The following EEF1D variants were observed in gnomAD, a reference collection of about 807,000 sequenced individuals.
EEF1D encodes eukaryotic translation elongation factor 1 delta.
A neutral mutation model predicts 63.9 loss-of-function variants in EEF1D; 47 were observed. The ratio of observed to expected loss-of-function variants is 0.74; its 90% CI spans 0.58 to 0.94. The LOEUF (loss-of-function observed/expected upper bound fraction) is 0.94, where lower values mean the gene tolerates loss of function less well. Ranked by LOEUF, EEF1D falls within the 40% of genes least tolerant of loss-of-function variation. EEF1D has a pLI of 0.00. For missense variants in EEF1D, 907 were observed against 899.0 expected, an observed-to-expected ratio of 1.01 and a Z score of -0.11; for synonymous variants, 412 against 386.1, an observed-to-expected ratio of 1.07 and a Z score of -0.79.
At chr8:143,581,744 G>A in intron 5 of EEF1D, 1 of 199,442 alleles carries the variant, frequency 5.0e-6, no homozygotes, top group Non-Finnish European at 1.0e-5. Context: ...GGGCCCAGTG[G>A]GGGAAGAAGG....
At chr8:143,586,049 G>A (rs1480226947) in intron 5 of EEF1D, 170 bp downstream of exon 5, 18 of 572,422 alleles carry the variant, frequency 3.1e-5, no homozygotes, top group Non-Finnish European at 4.4e-5. Context: ...AACACTGTCC[G>A]TGGCAGTCCG....
At chr8:143,581,438 C>T in intron 5 of EEF1D, 110 bp from the exon 6 acceptor site, 1 of 949,538 alleles carries the variant, frequency 1.1e-6, no homozygotes, top group East Asian at 2.6e-5. Flanking sequence ...CTCGGGAGAG[C>T]AGGAGGTGCC....
At chr8:143,597,104 G>A (rs543444930) in intron 1 of EEF1D, 4 of 152,262 alleles carry the variant, frequency 2.6e-5, no homozygotes, top group South Asian at 4.1e-4. Context: ...CCGTGAGACA[G>A]TGCTCCCGGC....
intron 2 of EEF1D, chr8:143,592,284 G>A (rs1394491517): frequency 3.0e-6 from 3 of 984,994 alleles, no homozygotes; most frequent in African/African-American, 3.5e-5. Context: ...GACTTTATTG[G>A]CCAAAGTGGC....
In EEF1D at chr8:143,589,051, G is replaced by A. The variant is rs991002439; in HGVS notation, c.1031C>T (p.Ala344Val). The A allele has an allele frequency of 5.0e-6, 8 of 1,606,144 alleles. No homozygotes were observed. The African/African-American group carries it at 1.1e-4, about 21-fold the overall frequency. Residue 344 changes from alanine (A) to valine (V), a missense_variant, in exon 3 of 10, where the codon GCC (alanine) becomes GTC (valine). Physicochemically the swap from Ala to Val is moderately conservative, Grantham distance 64 (BLOSUM62 0). Transcript: ENST00000618139. Reference protein sequence around the residue: ...ALRVAWCLEAASLSHRPGPRS... With the variant: ...ALRVAWCLEAVSLSHRPGPRS... ...AGGACCGGGTCGGTGAGACAGGGAGGCAGCTTCGAGGCACCAGGCCACCCG... is the reference window on the plus strand; with the variant it reads ...AGGACCGGGTCGGTGAGACAGGGAGACAGCTTCGAGGCACCAGGCCACCCG...
chr8:143,594,954 G>A (rs1337599454), intron 1 of EEF1D, among the ~76,000 whole-genome samples: 2 of 152,240 alleles, frequency 1.3e-5, no homozygotes. Flanking sequence ...CACCCAGGCT[G>A]GAGTGCAGTG....
intron 2 of EEF1D, chr8:143,590,861 G>A (rs1215383709): frequency 6.6e-6 from 1 of 152,362 alleles, no homozygotes; most frequent in Non-Finnish European, 1.5e-5. Context: ...GAACCGAGAT[G>A]GCGCCACTGC....
rs763145537 is a variant in EEF1D at position 143,589,230 on chromosome 8, T to C, written c.852A>G (p.Leu284=). Residue 284 remains leucine (L), a synonymous_variant, in exon 3 of 10, where the codon TTA becomes TTG. Transcript: ENST00000618139. The part of the protein sequence containing the change: ...GRRDRRGRNI[L]GNKRAGLRRA... ...GTCGCAGCCCGGCCCGCTTGTTCCC[T>C]AAGATGTTGCGGCCCCGCCGGTCTC... The C allele has an allele frequency of 8.9e-6, 14 of 1,576,106 alleles. No homozygotes were observed. The South Asian group carries it at 1.0e-4, about 12-fold the overall frequency.
intron 2 of EEF1D, among the ~76,000 whole-genome samples, 164 bp downstream of exon 2, chr8:143,592,483 C>T (rs754567265): frequency 1.8e-4 from 27 of 152,310 alleles, no homozygotes; most frequent in Middle Eastern, 6.8e-3. Context: ...GCTGCTGCCC[C>T]ATCCAGAAAA....
chr8:143,596,619 G>A (rs951116964), intron 1 of EEF1D: 1 of 152,322 alleles, frequency 6.6e-6, no homozygotes, highest in Non-Finnish European at 1.5e-5. Context: ...CTGTCGGGCA[G>A]GGACAACCCC....
intron 1 of EEF1D, among the ~76,000 whole-genome samples, chr8:143,595,523 G>GA (rs1461221198): frequency 6.6e-6 from 1 of 152,270 alleles, no homozygotes; most frequent in South Asian, 2.1e-4. Context: ...CTTTTTAAGA[G>GA]AAAAAACTCC....
At chr8:143,594,792 G>A (rs944183557) in intron 1 of EEF1D, among the ~76,000 whole-genome samples, 9 of 152,340 alleles carry the variant, frequency 5.9e-5, no homozygotes, top group African/African-American at 2.2e-4. Context: ...CCCAAAGGGC[G>A]CGACGACTAG....
chr8:143,590,031 C>T lies in EEF1D; in HGVS notation c.51G>A (p.Lys17=), dbSNP rs1213315907. The T allele has an allele frequency of 2.5e-6, 4 of 1,599,010 alleles. No homozygotes were observed. The Admixed American group carries it at 5.0e-5, about 20-fold the overall frequency. ...SCTLETVWED[K]HKYEEAERRF... ...GCCGCTCGGCCTCCTCATACTTGTG[C>T]TTGTCTTCCCACACGGTCTCCAGGG... is the stretch of plus-strand genomic sequence containing the variant. The change falls in exon 3 of 10, where the codon AAG becomes AAA. Residue 17 remains lysine (K), a synonymous_variant. Coordinates refer to ENST00000618139, the MANE Select transcript of EEF1D (RefSeq NM_001130053.5).
At chr8:143,594,909 C>T (rs1828548045) in intron 1 of EEF1D, among the ~76,000 whole-genome samples, 1 of 152,112 alleles carries the variant, frequency 6.6e-6, no homozygotes, top group African/African-American at 2.4e-5. Flanking sequence ...GGAGTGAGGC[C>T]TTCGGTCTTT....
intron 1 of EEF1D, 159 bp downstream of exon 1, chr8:143,597,189 T>A (rs1449100764): frequency 2.6e-5 from 4 of 152,090 alleles, no homozygotes; most frequent in African/African-American, 9.6e-5. Flanking sequence ...TCGCCCCAAG[T>A]GCCGCACTTG....
intron 1 of EEF1D, among the ~76,000 whole-genome samples, chr8:143,594,748 G>A (rs1828516299): frequency 6.6e-6 from 1 of 152,218 alleles, no homozygotes; most frequent in African/African-American, 2.4e-5. Flanking sequence ...CTGTGGACTG[G>A]CACTGCCTGA....
chr8:143,581,158 G>T lies in EEF1D; in HGVS notation c.1388-4C>A, dbSNP rs201818944. 7.4e-6 allele frequency: 12 copies of T among 1,612,962 alleles called. No homozygotes were observed. The highest frequency in any genetic ancestry group is 3.3e-5 in the South Asian group (3 of 91,082). The stretch of plus-strand genomic sequence containing the variant: ...GCCTGCTGCAGCTCCTGTACCACTG[G>T]GGGGGCAAGGGGAGCACGGTTAGAT... On this transcript the variant is annotated splice_region_variant and splice_polypyrimidine_tract_variant and intron_variant, in intron 6 of 9. Coordinates refer to ENST00000618139, the MANE Select transcript of EEF1D (RefSeq NM_001130053.5).
intron 5 of EEF1D, chr8:143,585,925 C>G: frequency 2.4e-6 from 1 of 411,716 alleles, no homozygotes; most frequent in Non-Finnish European, 4.3e-6. Context: ...ATGCCAGGTG[C>G]CCACAGGACA....
chr8:143,593,165 C>T (rs929138353), intron 1 of EEF1D, among the ~76,000 whole-genome samples: 16 of 152,120 alleles, frequency 1.1e-4, no homozygotes, highest in African/African-American at 3.1e-4. Context: ...GGAGGCAGCC[C>T]AGGGCTCACA....
Sources: allele counts gnomAD v4.1 joint callset (sites outside exome capture counted in the v4.1 genomes callset), GRCh38; gene constraint gnomAD v4.1.1; transcripts MANE v1.5; gene names NCBI Gene and HGNC (gene_info 2026-07-23, HGNC 2026-07-21).